Variants in BPTF observed in about 807,000 individuals in gnomAD.
BPTF encodes nucleosome-remodeling factor subunit BPTF.
Under a neutral mutation model 292.5 loss-of-function variants are expected in BPTF, and 18 were observed. The observed-to-expected ratio is 0.06, with a 90% confidence interval of 0.04 to 0.09. The LOEUF (loss-of-function observed/expected upper bound fraction) is 0.09. Among genes scored for constraint, BPTF ranks in the 10% least tolerant of loss-of-function variants. The probability of loss-of-function intolerance (pLI) is 1.00; values close to 1 mark genes in which losing one functional copy is unlikely to be tolerated. For synonymous variants in BPTF, 1,225 were observed against 1,251.9 expected (o/e 0.98, Z 0.45); for missense variants, 2,726 against 3,498.7 (o/e 0.78, Z 5.57).
At chr17:67,918,337 T>A (rs2063194312) in intron 11 of BPTF, among the ~76,000 whole-genome samples, 1 of 152,262 alleles carries the variant, frequency 6.6e-6, no homozygotes, top group African/African-American at 2.4e-5. Flanking sequence ...TAATAACAAT[T>A]ATCTATTTCT....
intron 1 of BPTF, among the ~76,000 whole-genome samples, chr17:67,843,637 C>T (rs1308175899): frequency 6.7e-6 from 1 of 148,768 alleles, no homozygotes; most frequent in Non-Finnish European, 1.5e-5. Flanking sequence ...GATATATATA[C>T]AGAAAAGCTT....
chr17:67,975,753 T>A lies in BPTF; in HGVS notation c.8540-19T>A. The A allele has an allele frequency of 1.3e-6, 2 of 1,586,976 alleles. No individual in the cohort carries two copies. Among genetic ancestry groups the A allele is most frequent in the Non-Finnish European group, 1.7e-6 (2 of 1,165,126 alleles). ...AAACCTTAAAGCTCTGAAAATGTTT[T>A]ACATTTTGTGTTTTTAAGACCTTGC... On this transcript the variant is annotated intron_variant, in intron 26 of 27. Transcript: ENST00000306378.
At chr17:67,870,935 A>G (rs1469163065) in intron 3 of BPTF, among the ~76,000 whole-genome samples, 1 of 151,028 alleles carries the variant, frequency 6.6e-6, no homozygotes, top group Non-Finnish European at 1.5e-5. Context: ...ACGCCCGGCT[A>G]ATTTTTTGTA....
intron 24 of BPTF, chr17:67,963,258 C>T: frequency 1.4e-6 from 2 of 1,395,228 alleles, no homozygotes; most frequent in Non-Finnish European, 1.9e-6. Flanking sequence ...TGAATCAAGG[C>T]AGGGAAGACA....
At chr17:67,899,524 GT>G (rs869048984) in intron 7 of BPTF, among the ~76,000 whole-genome samples, 75 of 146,888 alleles carry the variant, frequency 5.1e-4, no homozygotes, top group Non-Finnish European at 7.1e-4. Flanking sequence ...TTGATGCTGA[GT>G]TTTTTTTCTT....
At chr17:67,827,300 G>A (rs568759208) in intron 1 of BPTF, among the ~76,000 whole-genome samples, 108 of 152,204 alleles carry the variant, frequency 7.1e-4, no homozygotes, top group African/African-American at 2.5e-3. Context: ...CTCTATTTCT[G>A]AGGAAAAAGC....
In BPTF at chr17:67,984,136, T is replaced by C. The variant is rs1202013843; in HGVS notation, c.*1848T>C. ...ACTGTGCTGATGCAAGAATTCTACA[T>C]TTTAATGAGTTATAAAATTATTCTG... On this transcript the variant is annotated 3_prime_UTR_variant, in exon 28 of 28. Coordinates refer to ENST00000306378, the MANE Select transcript of BPTF (RefSeq NM_182641.4). 3 of 152,620 alleles carry C rather than the reference T, an allele frequency of 2.0e-5. No homozygotes were observed. The highest frequency in any genetic ancestry group is 4.4e-5 in the Non-Finnish European group (3 of 68,038). The allele number at this position is 152,620 out of a possible 1,614,324, so 9.5% of individuals were successfully genotyped here. A position where few individuals can be genotyped will look rare whatever the true frequency, so the allele number is the denominator to read the frequency against.
rs1421914404 is a variant in BPTF, at chr17:67,920,125, G to A, written c.5539G>A (p.Val1847Ile). ...CIRKIICPIG[V>I]PETPKETPTP... ...CAGGAAAATCATTTGTCCCATTGGA[G>A]TTCCAGAAACACCAAAAGGTAAGAA... is the stretch of plus-strand genomic sequence containing the variant. Residue 1847 changes from valine (V) to isoleucine (I), a missense_variant, in exon 13 of 28, where the codon GTT becomes ATT. Val to Ile is a conservative substitution (Grantham distance 29, BLOSUM62 3). This residue lies in a region of BPTF where 198 missense variants were observed against 277.1 expected (regional missense o/e 0.71). Coordinates refer to ENST00000306378, the MANE Select transcript of BPTF (RefSeq NM_182641.4). 6.2e-7 allele frequency: 1 copy of A among 1,612,024 alleles called. No homozygotes were observed. Among genetic ancestry groups the A allele is most frequent in the Non-Finnish European group, 8.5e-7 (1 of 1,178,660 alleles).
chr17:67,967,663 A>T (rs1555688275), intron 26 of BPTF, among the ~76,000 whole-genome samples: 4 of 152,034 alleles, frequency 2.6e-5, no homozygotes. Flanking sequence ...CTACAAAAAT[A>T]GAAAAATTAG....
intron 2 of BPTF, among the ~76,000 whole-genome samples, 183 bp from the exon 3 acceptor site, chr17:67,866,281 G>A (rs1450984650): frequency 2.0e-5 from 3 of 152,078 alleles, no homozygotes; most frequent in South Asian, 2.1e-4. Flanking sequence ...TTTGTGTCAT[G>A]TTTTTTAGAT....
chr17:67,967,043 T>A (rs562550246), intron 26 of BPTF, among the ~76,000 whole-genome samples: 1 of 151,128 alleles, frequency 6.6e-6, no homozygotes, highest in African/African-American at 2.4e-5. Flanking sequence ...GAGGTTGCAG[T>A]GAACAGAGAT....
intron 4 of BPTF, among the ~76,000 whole-genome samples, chr17:67,884,162 C>CGG (rs2060601040): frequency 1.6e-5 from 2 of 124,648 alleles, no homozygotes; most frequent in South Asian, 5.3e-4. Context: ...TTTTTTGAAA[C>CGG]AATCTCGTGC....
chr17:67,897,233 C>T (rs1036397932), intron 7 of BPTF, among the ~76,000 whole-genome samples: 29 of 147,396 alleles, frequency 2.0e-4, no homozygotes, highest in Admixed American at 6.9e-4. Flanking sequence ...CCCAGCTACT[C>T]GGGAGGCTGA....
intron 2 of BPTF, among the ~76,000 whole-genome samples, chr17:67,865,850 C>A (rs577269584): frequency 6.6e-6 from 1 of 152,048 alleles, no homozygotes; most frequent in African/African-American, 2.4e-5. Context: ...GTTTGGGCTT[C>A]GATTGTCCAG....
At chr17:67,947,526 T>A (rs1200032872) in intron 21 of BPTF, among the ~76,000 whole-genome samples, 200 bp from the exon 22 acceptor site, 1 of 152,238 alleles carries the variant, frequency 6.6e-6, no homozygotes, top group Non-Finnish European at 1.5e-5. Context: ...TAATGTCAAG[T>A]GCTTAGCCTA....
intron 23 of BPTF, among the ~76,000 whole-genome samples, chr17:67,957,783 C>T (rs538920476): frequency 1.3e-5 from 2 of 151,682 alleles, no homozygotes; most frequent in Admixed American, 6.6e-5. Flanking sequence ...TTGAGCCTGG[C>T]AGGTCAAGGC....
chr17:67,883,008 A>G (rs1314527408), intron 4 of BPTF, among the ~76,000 whole-genome samples: 2 of 150,186 alleles, frequency 1.3e-5, no homozygotes, highest in Admixed American at 1.3e-4. Context: ...GTCTAAAAAA[A>G]AAAAAAAAAA....
rs1235889442 is a variant in BPTF at position 67,859,749 on chromosome 17, C to A, written c.1436+4987C>A. Among the ~76,000 whole-genome samples the A allele has an allele frequency of 3.3e-5, 5 of 152,246 alleles. No homozygotes were observed. The East Asian group carries it at 7.7e-4, about 24-fold the overall frequency. On this transcript the variant is annotated intron_variant, in intron 2 of 27. Transcript: ENST00000306378. ...TATCTGCAGTGAGTATTTATGAAAT[C>A]TTTAAAGATTTGAAATAAAGGCGTT... is the stretch of plus-strand genomic sequence containing the variant.
At chr17:67,923,193 C>CTA (rs929480280) in intron 14 of BPTF, among the ~76,000 whole-genome samples, 2 of 151,458 alleles carry the variant, frequency 1.3e-5, no homozygotes, top group African/African-American at 4.9e-5. Context: ...GTACCTAGGA[C>CTA]TACAGGTGCA....
Sources: allele counts gnomAD v4.1 joint callset (sites outside exome capture counted in the v4.1 genomes callset), GRCh38; gene constraint gnomAD v4.1.1; regional missense constraint gnomAD v4.1.1; transcripts MANE v1.5; gene names NCBI Gene and HGNC (gene_info 2026-07-23, HGNC 2026-07-21).